Variants in CABLES2 observed in about 807,000 individuals in gnomAD.
CABLES2 encodes Cdk5 and Abl enzyme substrate 2.
Under a neutral mutation model 44.8 loss-of-function variants are expected in CABLES2, and 35 were observed. The ratio of observed to expected loss-of-function variants is 0.78; its 90% CI spans 0.60 to 1.04. The LOEUF is 1.04. Ranked by LOEUF, CABLES2 falls within the 50% of genes least tolerant of loss-of-function variation. The pLI is 0.00. For synonymous variants in CABLES2, 282 were observed against 281.1 expected, an observed-to-expected ratio of 1.00 and a Z score of -0.03; for missense variants, 566 against 615.7, an observed-to-expected ratio of 0.92 and a Z score of 0.85.
Position 62,406,911 on chromosome 20 carries a change from T to C in CABLES2, c.362+4A>G. 1 of 1,218,478 alleles carries C rather than the reference T, an allele frequency of 8.2e-7. No homozygotes were observed. Among genetic ancestry groups the C allele is most frequent in the African/African-American group, 1.6e-5 (1 of 63,740 alleles). The allele number at this position is 1,218,478 out of a possible 1,614,324, so 75.5% of individuals were successfully genotyped here. On this transcript the variant is annotated splice_donor_region_variant and intron_variant, in intron 1 of 9. Transcript: ENST00000279101. ...TGGGCTGACCTGGCCGGGCCCCCAC[T>C]CACCTCTGGCGCTGCCCATCCAGGC...
intron 1 of CABLES2, among the ~76,000 whole-genome samples, chr20:62,400,426 G>A (rs55884636): frequency 0.054 from 8,150 of 152,236 alleles, 289 homozygotes; most frequent in Non-Finnish European, 0.075. Flanking sequence ...GGGTGACGGC[G>A]GACAGACTGC....
intron 1 of CABLES2, among the ~76,000 whole-genome samples, chr20:62,401,819 C>T (rs1375055164): frequency 6.6e-6 from 1 of 152,186 alleles, no homozygotes; most frequent in Non-Finnish European, 1.5e-5. Flanking sequence ...GTGGGGTGTG[C>T]CCAGGCAAAT....
intron 3 of CABLES2, 89 bp from the exon 4 acceptor site, chr20:62,395,103 A>G: frequency 9.4e-7 from 1 of 1,067,102 alleles, no homozygotes. Flanking sequence ...TTCCATGGAA[A>G]ATTCCTTCTG....
chr20:62,392,121 A>G (rs1987929655), intron 8 of CABLES2, among the ~76,000 whole-genome samples: 1 of 151,814 alleles, frequency 6.6e-6, no homozygotes, highest in Non-Finnish European at 1.5e-5. Flanking sequence ...CTCAAGTTTT[A>G]AAAAGATCCT....
Position 62,396,470 on chromosome 20 carries a change from A to G in CABLES2, c.434+51T>C, listed in dbSNP as rs1218460194. 1 of 1,612,976 alleles carries G rather than the reference A, an allele frequency of 6.2e-7. No individual in the cohort carries two copies. The highest frequency in any genetic ancestry group is 1.1e-5 in the South Asian group (1 of 91,066). On this transcript the variant is annotated intron_variant, in intron 2 of 9. Transcript: ENST00000279101. The surrounding 1 kb of genome is among the most constrained non-coding windows in gnomAD (Gnocchi z 5.7). ...AGGACCCTCTGGCCCCGCAGGGGTC[A>G]GTGGCAGCCCGAGCGGAGTCGTAGA...
intron 1 of CABLES2, among the ~76,000 whole-genome samples, chr20:62,398,219 G>GTGATGTGA (rs1298494081): frequency 7.1e-6 from 1 of 140,784 alleles, no homozygotes; most frequent in Non-Finnish European, 1.5e-5. Flanking sequence ...TGATGTGATG[G>GTGATGTGA]TGGTGGTGGT....
chr20:62,393,603 G>A lies in CABLES2; in HGVS notation c.717C>T (p.Val239=), dbSNP rs1478044591. 2.5e-6 allele frequency: 4 copies of A among 1,578,240 alleles called. No individual in the cohort carries two copies. Among genetic ancestry groups the A allele is most frequent in the Non-Finnish European group, 3.5e-6 (4 of 1,159,012 alleles). The change falls in exon 6 of 10, where the codon GTC becomes GTT. Residue 239 remains valine (V), a splice_region_variant and synonymous_variant. Coordinates refer to ENST00000279101, the MANE Select transcript of CABLES2 (RefSeq NM_031215.3). Reference sequence around the variant, plus strand: ...GATACAGGAACTTCGCATAAGACACGACCTGGAAAAGCAAATGCATCTGGC... The same window carrying A: ...GATACAGGAACTTCGCATAAGACACAACCTGGAAAAGCAAATGCATCTGGC... The part of the protein sequence containing the change: ...EGVELGADGK[V]VSYAKFLYPT...
chr20:62,391,307 AGCACGCAGGCGCCAGC>A lies in CABLES2; in HGVS notation c.1222_1237del (p.Ala408CysfsTer15). On this transcript the variant is annotated frameshift_variant, in exon 9 of 10. Coordinates refer to ENST00000279101, the MANE Select transcript of CABLES2 (RefSeq NM_031215.3). LOFTEE classifies it high-confidence loss of function. This position sits in a 1 kb window ranked among gnomAD's most constrained non-coding sequence, Gnocchi z 5.7. ...GTCACTGCTGATCTTGGCAGCCAGC[AGCACGCAGGCGCCAGC>A]GCACAGCTTGCGGTTCTGTTTGCTG... is the stretch of plus-strand genomic sequence containing the variant. 1 of 1,613,172 alleles carries A rather than the reference AGCACGCAGGCGCCAGC, an allele frequency of 6.2e-7. No individual in the cohort carries two copies. The highest frequency in any genetic ancestry group is 8.5e-7 in the Non-Finnish European group (1 of 1,180,002).
rs966673503 is a variant in CABLES2 at position 62,396,897 on chromosome 20, G to A, written c.363-305C>T. Among the ~76,000 whole-genome samples, 4 of 152,098 alleles carry A rather than the reference G, an allele frequency of 2.6e-5. No homozygotes were observed. Among genetic ancestry groups the A allele is most frequent in the South Asian group, 2.1e-4 (1 of 4,832 alleles). On this transcript the variant is annotated intron_variant, in intron 1 of 9. Coordinates refer to ENST00000279101, the MANE Select transcript of CABLES2 (RefSeq NM_031215.3). This position sits in a 1 kb window ranked among gnomAD's most constrained non-coding sequence, Gnocchi z 5.7. ...AGCACGCCAACCTGCCCTGCCCACC[G>A]AGGGTCGCTCGGCCCCAAGCAACAC...
intron 3 of CABLES2, 78 bp from the exon 4 acceptor site, chr20:62,395,092 T>C: frequency 8.8e-7 from 1 of 1,136,316 alleles, no homozygotes; most frequent in Non-Finnish European, 1.3e-6. Context: ...GCTACAGACA[T>C]TTCCATGGAA....
intron 1 of CABLES2, chr20:62,405,610 T>C (rs1227240588): frequency 6.6e-6 from 1 of 152,314 alleles, no homozygotes; most frequent in African/African-American, 2.4e-5. Flanking sequence ...TGCTGTGTTC[T>C]GGGCCCAAAC....
At chr20:62,402,446 T>G (rs917347657) in intron 1 of CABLES2, 2 of 152,082 alleles carry the variant, frequency 1.3e-5, no homozygotes, top group Admixed American at 1.3e-4. Context: ...TGACGGTGGG[T>G]CTGACAATGT....
intron 1 of CABLES2, among the ~76,000 whole-genome samples, chr20:62,398,071 CGGTGGTGGTGGTGGTG>C (rs1988080560): frequency 3.7e-4 from 25 of 68,300 alleles, no homozygotes; most frequent in African/African-American, 1.7e-3. Flanking sequence ...GTGGTGGTGA[CGGTGGTGGTGGTGGTG>C]ACGGTGGTGG....
At position 62,390,508 on chromosome 20, in the gene CABLES2, A is replaced by G. The variant is rs1987894358; in HGVS notation, c.*463T>C. 6.3e-6 allele frequency: 1 copy of G among 157,492 alleles called. No homozygotes were observed. Among genetic ancestry groups the G allele is most frequent in the Non-Finnish European group, 1.4e-5 (1 of 71,088 alleles). The allele number at this position is 157,492 out of a possible 1,614,324, so 9.8% of individuals were successfully genotyped here. A position where few individuals can be genotyped will look rare whatever the true frequency, so the allele number is the denominator to read the frequency against. On this transcript the variant is annotated 3_prime_UTR_variant, in exon 10 of 10. Transcript: ENST00000279101. ...AACCACATCTCCAAGATGAATGCCT[A>G]AATAAGTTAAACTCAGCCATTCCAG...
Position 62,393,022 on chromosome 20 carries a change from C to G in CABLES2, c.882G>C (p.Gly294=), listed in dbSNP as rs749825106. The G allele has an allele frequency of 8.1e-6, 13 of 1,613,374 alleles. No homozygotes were observed. The highest frequency in any genetic ancestry group is 1.0e-5 in the Non-Finnish European group (12 of 1,179,546). ...TKSAPASTEL[G]SDVGDTLEYN... ...ACTCCAGGGTGTCCCCCACGTCACT[C>G]CCTGTAAGAGAGGCAACCCCTGACC... is the stretch of plus-strand genomic sequence containing the variant. Residue 294 remains glycine, a splice_region_variant and synonymous_variant, in exon 7 of 10, where the codon GGG becomes GGC. Coordinates refer to ENST00000279101, the MANE Select transcript of CABLES2 (RefSeq NM_031215.3).
In CABLES2 at chr20:62,391,864, C is replaced by G. The variant is rs139468273; in HGVS notation, c.1092-411G>C. 5.7e-3 allele frequency among the ~76,000 whole-genome samples: 860 copies of G among 152,102 alleles called. 13 individuals are homozygous for G. Among genetic ancestry groups the G allele is most frequent in the African/African-American group, 0.019 (802 of 41,490 alleles). ...GGGGCAGAGGCCGGCAGGGCAGGCC[C>G]CCAGTACAGGGCCGTGGCCAGGAGC... On this transcript the variant is annotated intron_variant, in intron 8 of 9. Transcript: ENST00000279101. This position sits in a 1 kb window ranked among gnomAD's most constrained non-coding sequence, Gnocchi z 5.7.
intron 5 of CABLES2, among the ~76,000 whole-genome samples, chr20:62,393,880 G>T (rs1987965429): frequency 6.6e-6 from 1 of 152,252 alleles, no homozygotes; most frequent in South Asian, 2.1e-4. Flanking sequence ...ACAGAGGCCA[G>T]AGGGTTGGCG....
intron 1 of CABLES2, chr20:62,405,740 GCT>G (rs1988270697): frequency 6.6e-6 from 1 of 152,268 alleles, no homozygotes; most frequent in South Asian, 2.1e-4. Flanking sequence ...TGACCCAAGA[GCT>G]CTGTGTCGGC....
chr20:62,395,027 G>A lies in CABLES2; in HGVS notation c.528-13C>T, dbSNP rs373211561. The stretch of plus-strand genomic sequence containing the variant: ...GATGAGCACGATCCTGCAGGGGGAC[G>A]GAGTCAGGGGAGACGGGGCCGGGGA... On this transcript the variant is annotated splice_polypyrimidine_tract_variant and intron_variant, in intron 3 of 9. Transcript: ENST00000279101. The A allele has an allele frequency of 8.1e-6, 13 of 1,609,834 alleles. No individual in the cohort carries two copies. The highest frequency in any genetic ancestry group is 6.7e-5 in the Admixed American group (4 of 59,972).
Sources: gnomAD v4.1 joint callset for allele counts (sites outside exome capture counted in the v4.1 genomes callset) on GRCh38, gnomAD v4.1.1 for gene constraint, Gnocchi (gnomAD v3.1) non-coding constraint, MANE v1.5 for transcripts, NCBI Gene and HGNC (gene_info 2026-07-23, HGNC 2026-07-21) for gene names.